Variants in RNF128 observed in about 807,000 individuals in gnomAD.
RNF128 encodes E3 ubiquitin-protein ligase RNF128.
RNF128 carries 13 observed loss-of-function variants against 26.2 expected under a neutral mutation model. The observed-to-expected ratio is 0.50, with a 90% CI of 0.32 to 0.79. The LOEUF (loss-of-function observed/expected upper bound fraction) is 0.79. Among genes scored for constraint, RNF128 ranks in the 30% least tolerant of loss-of-function variants. RNF128 has a pLI of 0.03. For missense variants in RNF128, 315 were observed against 349.7 expected, an observed-to-expected ratio of 0.90 and a Z score of 0.79; for synonymous variants, 149 against 142.5, an observed-to-expected ratio of 1.05 and a Z score of -0.32.
chrX:106,776,720 T>C (rs762035020), intron 2 of RNF128, among the ~76,000 whole-genome samples: 4 of 111,650 alleles, frequency 3.6e-5, no homozygotes. Context: ...TTATGGAATT[T>C]TTTTTTGTAA....
intron 1 of RNF128, among the ~76,000 whole-genome samples, chrX:106,697,225 T>C (rs1928888153): frequency 8.9e-6 from 1 of 111,980 alleles, no homozygotes; most frequent in Admixed American, 9.5e-5. Flanking sequence ...TTAGCCAGAA[T>C]AGAGAGATAT....
chrX:106,788,153 A>G (rs1239185224), intron 4 of RNF128, among the ~76,000 whole-genome samples, 153 bp downstream of exon 4: 2 of 96,559 alleles, frequency 2.1e-5, no homozygotes. Context: ...GTTTATTTTT[A>G]TTTTTATTCA....
chrX:106,693,938 C>T, exon 1 of RNF128: 1 of 1,026,178 alleles, frequency 9.7e-7, no homozygotes. Flanking sequence ...CGTGAGTGGA[C>T]AATGGTGACT....
intron 2 of RNF128, 22 bp from the exon 3 acceptor site, chrX:106,785,042 AC>A (rs1425170955): frequency 6.3e-6 from 7 of 1,110,275 alleles, no homozygotes; most frequent in African/African-American, 1.9e-5. Context: ...TTTTTCTAAT[AC>A]CTGCTGTTTT....
At chrX:106,789,946 A>G (rs752920220) in intron 4 of RNF128, among the ~76,000 whole-genome samples, 3 of 110,502 alleles carry the variant, frequency 2.7e-5, no homozygotes, top group African/African-American at 6.5e-5. Flanking sequence ...CCATTTTCAA[A>G]TGAGTACTGA....
chrX:106,702,607 C>T (rs889753924), intron 1 of RNF128, among the ~76,000 whole-genome samples: 2 of 111,859 alleles, frequency 1.8e-5, no homozygotes, highest in Non-Finnish European at 3.8e-5. Context: ...GCAGCAAGGA[C>T]ATCATATAAA....
rs754409707 is a variant in RNF128 at position 106,778,540 on chromosome X, G to A, written c.732+5380G>A. On this transcript the variant is annotated intron_variant, in intron 2 of 6. Transcript: ENST00000255499. Reference sequence around the variant, plus strand: ...TTTGTTATATACACCTGGAAAAATGGACCATGTTGTACCAGCCTGTCAGAG... The same window carrying A: ...TTTGTTATATACACCTGGAAAAATGAACCATGTTGTACCAGCCTGTCAGAG... Among the ~76,000 whole-genome samples the A allele has an allele frequency of 5.7e-4, 64 of 111,815 alleles. 2 individuals carry two copies. Among genetic ancestry groups the A allele is most frequent in the Non-Finnish European group, 1.1e-3 (58 of 53,187 alleles).
At chrX:106,741,456 C>A (rs190880107) in intron 1 of RNF128, among the ~76,000 whole-genome samples, 14 of 111,917 alleles carry the variant, frequency 1.3e-4, no homozygotes, top group African/African-American at 4.2e-4. Context: ...TTATTTGTCA[C>A]CATTAATGCA....
At chrX:106,699,758 C>A (rs1928926029) in intron 1 of RNF128, among the ~76,000 whole-genome samples, 1 of 111,797 alleles carries the variant, frequency 8.9e-6, no homozygotes, top group Admixed American at 9.5e-5. Flanking sequence ...CTCTCCCTCA[C>A]AATGCTTCAA....
chrX:106,786,611 T>C (rs939278993), intron 3 of RNF128, among the ~76,000 whole-genome samples: 1 of 111,177 alleles, frequency 9.0e-6, no homozygotes, highest in African/African-American at 3.3e-5. Context: ...ACATTTGGCC[T>C]TGTCAAAATT....
At chrX:106,722,541 A>C (rs1022620426), upstream of RNF128, among the ~76,000 whole-genome samples, 3 of 111,572 alleles carry the variant, frequency 2.7e-5, no homozygotes, top group Non-Finnish European at 5.6e-5. Context: ...GGTTGGGTAA[A>C]ACCAGTGGGT....
chrX:106,729,981 A>C (rs748774073), intron 1 of RNF128, among the ~76,000 whole-genome samples: 33 of 111,753 alleles, frequency 3.0e-4, no homozygotes, highest in Non-Finnish European at 4.0e-4. Context: ...GTGAATTACG[A>C]AGGGGCCACC....
At chrX:106,790,722 G>T (rs1298347890) in intron 5 of RNF128, among the ~76,000 whole-genome samples, 2 of 110,891 alleles carry the variant, frequency 1.8e-5, no homozygotes, top group Non-Finnish European at 3.8e-5. Context: ...ACTTGGGAAG[G>T]TACATAGATG....
At chrX:106,739,899 A>C (rs2147674944) in intron 1 of RNF128, among the ~76,000 whole-genome samples, 1 of 111,667 alleles carries the variant, frequency 9.0e-6, no homozygotes, top group African/African-American at 3.3e-5. Context: ...ATAATGGAAT[A>C]ATAACTAATT....
intron 1 of RNF128, among the ~76,000 whole-genome samples, chrX:106,698,238 A>G (rs1928902734): frequency 9.2e-6 from 1 of 108,606 alleles, no homozygotes; most frequent in Non-Finnish European, 1.9e-5. Context: ...GTCTTAAGAA[A>G]TGCTTAGATT....
chrX:106,715,772 C>G (rs1441685534), intron 1 of RNF128, among the ~76,000 whole-genome samples: 1 of 111,367 alleles, frequency 9.0e-6, no homozygotes, highest in African/African-American at 3.3e-5. Flanking sequence ...AGTTTGTTGC[C>G]TTGTTTTAGG....
intron 4 of RNF128, among the ~76,000 whole-genome samples, chrX:106,789,113 ATATATAC>A (rs1335178972): frequency 6.2e-4 from 54 of 86,423 alleles, no homozygotes; most frequent in Non-Finnish European, 1.0e-3. Flanking sequence ...ACTATATACT[ATATATAC>A]TATATACTAT....
At chrX:106,698,856 T>A (rs1321941488) in intron 1 of RNF128, among the ~76,000 whole-genome samples, 1 of 111,438 alleles carries the variant, frequency 9.0e-6, no homozygotes, top group African/African-American at 3.3e-5. Flanking sequence ...TCTGGCCTAC[T>A]GCTGTGACCT....
At chrX:106,786,306 A>T (rs1298975804) in intron 3 of RNF128, among the ~76,000 whole-genome samples, 2 of 111,797 alleles carry the variant, frequency 1.8e-5, no homozygotes, top group Non-Finnish European at 3.8e-5. Context: ...AAAGTGCAAA[A>T]GCAATTCAAT....
Sources: allele counts gnomAD v4.1 joint callset (sites outside exome capture counted in the v4.1 genomes callset), GRCh38; gene constraint gnomAD v4.1.1; transcripts MANE v1.5; gene names NCBI Gene and HGNC (gene_info 2026-07-23, HGNC 2026-07-21).